Variants in TTC21B observed in about 807,000 individuals in gnomAD.
TTC21B encodes the protein tetratricopeptide repeat domain 21B, also known as tetratricopeptide repeat protein 21B.
TTC21B carries 127 observed loss-of-function variants against 175.1 expected under a neutral mutation model. The ratio of observed to expected loss-of-function variants is 0.73; its 90% CI spans 0.63 to 0.84. The LOEUF (loss-of-function observed/expected upper bound fraction) is 0.84, where lower values mean the gene tolerates loss of function less well. Among genes scored for constraint, TTC21B ranks in the 40% least tolerant of loss-of-function variants. TTC21B has a pLI of 0.00. For missense variants in TTC21B, 1,561 were observed against 1,558.3 expected (o/e 1.00, Z -0.03); for synonymous variants, 524 against 524.5 (o/e 1.00, Z 0.01).
chr2:165,885,971 T>C (rs1387162078), intron 25 of TTC21B, among the ~76,000 whole-genome samples: 1 of 152,226 alleles, frequency 6.6e-6, no homozygotes, highest in Admixed American at 6.5e-5. Context: ...GGTGATGCAA[T>C]GAAAGCAAGT....
At chr2:165,883,470 G>A (rs564168554) in intron 26 of TTC21B, among the ~76,000 whole-genome samples, 6 of 152,200 alleles carry the variant, frequency 3.9e-5, no homozygotes, top group Admixed American at 1.3e-4. Context: ...CGCAATTAAT[G>A]TTCTTCTGCA....
In TTC21B at chr2:165,873,447, A is replaced by G. The variant is rs1165610068; in HGVS notation, c.*1308T>C. On this transcript the variant is annotated 3_prime_UTR_variant, in exon 29 of 29. Transcript: ENST00000243344. Reference sequence around the variant, plus strand: ...TTTTAAGGAAAATTGAAAAAGATGTAGATGAGAAATTAAAAATAATGCTAA... The same window carrying G: ...TTTTAAGGAAAATTGAAAAAGATGTGGATGAGAAATTAAAAATAATGCTAA... The G allele has an allele frequency of 6.6e-6, 1 of 152,214 alleles. No homozygotes were observed. Among genetic ancestry groups the G allele is most frequent in the Non-Finnish European group, 1.5e-5 (1 of 68,030 alleles). The allele number at this position is 152,214 out of a possible 1,614,324, so 9.4% of individuals were successfully genotyped here. A position where few individuals can be genotyped will look rare whatever the true frequency, so the allele number is the denominator to read the frequency against.
chr2:165,907,080 T>C (rs929714528), intron 19 of TTC21B, among the ~76,000 whole-genome samples: 1 of 151,866 alleles, frequency 6.6e-6, no homozygotes, highest in Non-Finnish European at 1.5e-5. Flanking sequence ...TTAAAAATTA[T>C]ATCAAAGTGA....
chr2:165,917,788 A>G (rs1686232149), intron 13 of TTC21B, among the ~76,000 whole-genome samples: 1 of 152,204 alleles, frequency 6.6e-6, no homozygotes, highest in Non-Finnish European at 1.5e-5. Context: ...GATTACTTGA[A>G]TTTTCAGGAA....
At chr2:165,892,187 T>C (rs1423744876) in intron 22 of TTC21B, among the ~76,000 whole-genome samples, 1 of 152,160 alleles carries the variant, frequency 6.6e-6, no homozygotes, top group Non-Finnish European at 1.5e-5. Flanking sequence ...GGACTAGGGA[T>C]TTGTAGGGGA....
At chr2:165,897,167 G>A (rs1685396409) in intron 22 of TTC21B, among the ~76,000 whole-genome samples, 1 of 152,160 alleles carries the variant, frequency 6.6e-6, no homozygotes, top group African/African-American at 2.4e-5. Flanking sequence ...ACTAAAAACC[G>A]TGATTTTTAG....
At chr2:165,934,603 TAAAAAAAAAA>T (rs58636754) in intron 6 of TTC21B, 1 of 142,486 alleles carries the variant, frequency 7.0e-6, no homozygotes, top group South Asian at 2.2e-4. Context: ...TAGGCTCACT[TAAAAAAAAAA>T]AAAGCATATT....
intron 9 of TTC21B, 119 bp downstream of exon 9, chr2:165,930,053 G>A (rs1447695654): frequency 7.6e-6 from 7 of 924,136 alleles, no homozygotes; most frequent in Non-Finnish European, 1.0e-5. Context: ...AGTGTGGGCA[G>A]TAGAGAACAA....
intron 14 of TTC21B, 32 bp downstream of exon 14, chr2:165,917,225 C>T (rs1385530402): frequency 6.3e-7 from 1 of 1,580,716 alleles, no homozygotes. Flanking sequence ...AGAAAGTTCA[C>T]ATCCGAGCCC....
intron 19 of TTC21B, among the ~76,000 whole-genome samples, chr2:165,902,463 C>T (rs986306788): frequency 6.6e-6 from 1 of 152,044 alleles, no homozygotes; most frequent in Non-Finnish European, 1.5e-5. Flanking sequence ...CACAAGGCAC[C>T]CTTCTGGGGA....
chr2:165,883,663 G>C (rs1332561599), intron 26 of TTC21B, 131 bp downstream of exon 26: 4 of 734,186 alleles, frequency 5.4e-6, no homozygotes, highest in Non-Finnish European at 9.3e-6. Context: ...TCCTGATTGT[G>C]GTAAGAATAA....
rs750750865 is a variant in TTC21B, at chr2:165,930,319, C to G, written c.940G>C (p.Glu314Gln). 4 of 1,612,470 alleles carry G rather than the reference C, an allele frequency of 2.5e-6. No individual in the cohort carries two copies. Among genetic ancestry groups the G allele is most frequent in the Non-Finnish European group, 3.4e-6 (4 of 1,179,088 alleles). The change falls in exon 9 of 29, where the codon GAG becomes CAG. Residue 314 changes from glutamate (E) to glutamine (Q), a missense_variant. Physicochemically the swap from Glu to Gln is conservative, Grantham distance 29 (BLOSUM62 2). Coordinates refer to ENST00000243344, the MANE Select transcript of TTC21B (RefSeq NM_024753.5). ...LILQKIQTLLERAFSLNPQQS... is the reference protein window; with the variant it reads ...LILQKIQTLLQRAFSLNPQQS... ...TGAGGGTTTAAACTAAAAGCTCTCT[C>G]AAGTAACGTTTGAATTTTTTGAAGA...
chr2:165,932,572 T>G (rs545229717), intron 7 of TTC21B, among the ~76,000 whole-genome samples: 1 of 152,254 alleles, frequency 6.6e-6, no homozygotes, highest in South Asian at 2.1e-4. Context: ...CCCATTTAAT[T>G]TTTGCAAATT....
rs1686133130 is a variant in TTC21B at position 165,915,448 on chromosome 2, A to G, written c.1900-9T>C. The G allele has an allele frequency of 6.9e-6, 11 of 1,599,004 alleles. No homozygotes were observed. The highest frequency in any genetic ancestry group is 9.4e-6 in the Non-Finnish European group (11 of 1,166,222). ...ACTTTGGTTGCCTCATGCTGTAAAG[A>G]TGAAATTAAAATAATCATTCTTCCA... On this transcript the variant is annotated splice_polypyrimidine_tract_variant and intron_variant, in intron 14 of 28. Coordinates refer to ENST00000243344, the MANE Select transcript of TTC21B (RefSeq NM_024753.5).
intron 24 of TTC21B, among the ~76,000 whole-genome samples, chr2:165,889,984 C>T (rs532721157): frequency 6.6e-6 from 1 of 152,238 alleles, no homozygotes; most frequent in East Asian, 1.9e-4. Context: ...ACCACACTAA[C>T]AGCAGTCAGG....
At chr2:165,884,460 A>G (rs180764920) in intron 25 of TTC21B, among the ~76,000 whole-genome samples, 72 of 152,342 alleles carry the variant, frequency 4.7e-4, no homozygotes, top group African/African-American at 1.6e-3. Flanking sequence ...ATTTACCTGC[A>G]GATGATGGTC....
At chr2:165,943,434 A>C (rs1687442167) in intron 4 of TTC21B, 93 bp from the exon 5 acceptor site, 1 of 977,930 alleles carries the variant, frequency 1.0e-6, no homozygotes, top group Non-Finnish European at 1.6e-6. Flanking sequence ...GGCAATTAAT[A>C]ACAAAAAGGA....
intron 28 of TTC21B, 72 bp downstream of exon 28, chr2:165,876,093 C>T (rs749296787): frequency 3.7e-5 from 32 of 870,664 alleles, no homozygotes; most frequent in Non-Finnish European, 5.3e-5. Context: ...TATTCACATA[C>T]ATCTGGAGAT....
At position 165,944,953 on chromosome 2, in the gene TTC21B, C is replaced by T. The variant is rs190323008; in HGVS notation, c.429+571G>A. On this transcript the variant is annotated intron_variant, in intron 4 of 28. Transcript: ENST00000243344. The stretch of plus-strand genomic sequence containing the variant: ...CTTTCACATTCTCTTAACACTTAAG[C>T]GTGTGATCTCTCCTTAATTTAAAAC... Among the ~76,000 whole-genome samples the T allele has an allele frequency of 2.9e-3, 437 of 152,294 alleles. 3 individuals are homozygous for T. Among genetic ancestry groups the T allele is most frequent in the African/African-American group, 9.7e-3 (402 of 41,566 alleles).
Sources: gnomAD v4.1 joint callset for allele counts (sites outside exome capture counted in the v4.1 genomes callset) on GRCh38, gnomAD v4.1.1 for gene constraint, MANE v1.5 for transcripts, NCBI Gene and HGNC (gene_info 2026-07-23, HGNC 2026-07-21) for gene names.